The following PTPRQ variants were observed in gnomAD, a reference collection of about 807,000 sequenced individuals.
The protein encoded by PTPRQ is phosphatidylinositol phosphatase PTPRQ.
In PTPRQ, 199 loss-of-function variants were observed where a neutral mutation model predicts 246.0. The ratio of observed to expected loss-of-function variants is 0.81; its 90% CI spans 0.72 to 0.91. The LOEUF (loss-of-function observed/expected upper bound fraction) is 0.91, where lower values mean the gene tolerates loss of function less well. PTPRQ is among the 40% of genes least tolerant of loss of function. PTPRQ has a pLI of 0.00. For missense variants in PTPRQ, 2,624 were observed against 2,528.4 expected (o/e 1.04, Z -0.81); for synonymous variants, 869 against 853.2 (o/e 1.02, Z -0.32).
rs571783974 is a variant in PTPRQ, at chr12:80,609,240, A to G, written c.4732-1199A>G. On this transcript the variant is annotated intron_variant, in intron 27 of 44. Transcript: ENST00000644991. ...ACATCTCTATAAATGAGTTTCCAGG[A>G]CAACATTTACAATATAGTTATACCA... is the stretch of plus-strand genomic sequence containing the variant. Among the ~76,000 whole-genome samples, 5 of 150,570 alleles carry G rather than the reference A, an allele frequency of 3.3e-5. No individual in the cohort carries two copies. The South Asian group carries it at 1.0e-3, about 31-fold the overall frequency.
In PTPRQ at chr12:80,484,602, T is replaced by A; in HGVS notation, c.1356T>A (p.Asn452Lys). 3 of 1,550,000 alleles carry A rather than the reference T, an allele frequency of 1.9e-6. No individual in the cohort carries two copies. The highest frequency in any genetic ancestry group is 2.6e-6 in the Non-Finnish European group (3 of 1,146,548). Residue 452 changes from asparagine to lysine, a missense_variant, in exon 9 of 45, where the codon AAT (asparagine) becomes AAA (lysine). Transcript: ENST00000644991. ...ILENTLLTGN[N>K]EYINDPMAPE... ...AAAATACTTTGCTCACTGGAAATAA[T>A]GAGGTATTGCATTTTTATTTCACTT...
intron 25 of PTPRQ, among the ~76,000 whole-genome samples, chr12:80,559,956 G>T (rs1447451877): frequency 1.3e-5 from 2 of 152,142 alleles, no homozygotes; most frequent in Non-Finnish European, 2.9e-5. Context: ...TTGGGAACAA[G>T]GTGAAAAACA....
intron 33 of PTPRQ, among the ~76,000 whole-genome samples, chr12:80,628,490 A>T (rs1034128317): frequency 6.6e-6 from 1 of 152,188 alleles, no homozygotes; most frequent in Non-Finnish European, 1.5e-5. Context: ...TAAATTATGT[A>T]ACTTAAAATT....
intron 43 of PTPRQ, among the ~76,000 whole-genome samples, chr12:80,677,643 T>C (rs1409545394): frequency 6.6e-6 from 1 of 152,206 alleles, no homozygotes; most frequent in Non-Finnish European, 1.5e-5. Flanking sequence ...TGGAAACATT[T>C]TGTAATCCAC....
Position 80,445,645 on chromosome 12 carries a change from A to G in PTPRQ, c.318A>G (p.Gln106=), listed in dbSNP as rs867256932. Residue 106 remains glutamine (Q), a synonymous_variant, in exon 3 of 45, where the codon CAA becomes CAG. Transcript: ENST00000644991. ...CGTGGATGCAAACAGTATATACACA[A>G]GTCAGATCAAAGCCAGACAGTCTGG... is the stretch of plus-strand genomic sequence containing the variant. The part of the protein sequence containing the change: ...VCPWMQTVYT[Q]VRSKPDSLEV... The G allele has an allele frequency of 1.3e-6, 2 of 1,550,180 alleles. No individual in the cohort carries two copies. Among genetic ancestry groups the G allele is most frequent in the Middle Eastern group, 3.3e-4 (2 of 5,986 alleles).
intron 17 of PTPRQ, chr12:80,512,738 ATAT>A (rs1895159309): frequency 6.6e-6 from 1 of 152,140 alleles, no homozygotes; most frequent in Non-Finnish European, 1.5e-5. Flanking sequence ...TTTTGGGTAA[ATAT>A]TCAATCAATT....
rs1896160259 is a variant in PTPRQ at position 80,541,732 on chromosome 12, A to G, written c.3332A>G (p.Tyr1111Cys). 1 of 1,551,384 alleles carries G rather than the reference A, an allele frequency of 6.4e-7. No homozygotes were observed. Among genetic ancestry groups the G allele is most frequent in the Non-Finnish European group, 8.7e-7 (1 of 1,146,744 alleles). Residue 1111 changes from tyrosine (Y) to cysteine (C), a missense_variant, in exon 21 of 45, where the codon TAT becomes TGT. Transcript: ENST00000644991. ...PPLVTYERSIYFDNLEKYTDY... is the reference protein window; with the variant it reads ...PPLVTYERSICFDNLEKYTDY... ...CTTGTTACATATGAGAGAAGCATATATTTTGATAATCTGGAAAAATACACT... is the reference window on the plus strand; with the variant it reads ...CTTGTTACATATGAGAGAAGCATATGTTTTGATAATCTGGAAAAATACACT...
intron 25 of PTPRQ, chr12:80,584,386 T>C (rs1565801331): frequency 1.3e-5 from 2 of 152,210 alleles, no homozygotes; most frequent in Non-Finnish European, 2.9e-5. Flanking sequence ...AACTGACTTC[T>C]GTACTGTTGC....
At chr12:80,458,275 C>A (rs1893040839) in intron 4 of PTPRQ, among the ~76,000 whole-genome samples, 1 of 152,096 alleles carries the variant, frequency 6.6e-6, no homozygotes, top group Non-Finnish European at 1.5e-5. Flanking sequence ...TATTCTGAAT[C>A]TCACACTCAT....
chr12:80,652,658 T>G, intron 37 of PTPRQ, 86 bp from the exon 38 acceptor site: 1 of 1,337,190 alleles, frequency 7.5e-7, no homozygotes, highest in Non-Finnish European at 9.8e-7. Context: ...AAAAAAAAAG[T>G]TTAGGACAAA....
chr12:80,477,855 C>T (rs1352973531), intron 8 of PTPRQ, among the ~76,000 whole-genome samples: 1 of 152,230 alleles, frequency 6.6e-6, no homozygotes, highest in African/African-American at 2.4e-5. Flanking sequence ...GAGATTATAT[C>T]CCACACCTGG....
At chr12:80,453,258 T>C (rs893782437) in intron 3 of PTPRQ, among the ~76,000 whole-genome samples, 12 of 152,166 alleles carry the variant, frequency 7.9e-5, no homozygotes, top group African/African-American at 2.9e-4. Flanking sequence ...ATTCTAGTTA[T>C]ACATTCGTCT....
chr12:80,514,402 A>ACACACACACTCT lies in PTPRQ; in HGVS notation c.2678+3960_2678+3961insACACACACTCTC, dbSNP rs552667526. Among the ~76,000 whole-genome samples the ACACACACACTCT allele has an allele frequency of 6.5e-3, 732 of 113,008 alleles. 13 individuals carry two copies. The highest frequency in any genetic ancestry group is 0.022 in the African/African-American group (689 of 30,968). 74.1% of individuals were successfully genotyped at this position (113,008 alleles called of 152,430 possible). A position where few individuals can be genotyped will look rare whatever the true frequency, so the allele number is the denominator to read the frequency against. ...CACACACACACACACACACACACAC[A>ACACACACACTCT]CTCTCTCTCTCTCTCTCTGCTTTAA... On this transcript the variant is annotated intron_variant, in intron 17 of 44. Coordinates refer to ENST00000644991, the MANE Select transcript of PTPRQ (RefSeq NM_001145026.2).
intron 38 of PTPRQ, among the ~76,000 whole-genome samples, chr12:80,654,049 T>TTTTC (rs1371123402): frequency 6.8e-6 from 1 of 147,260 alleles, no homozygotes; most frequent in Non-Finnish European, 1.5e-5. Context: ...TCTTTCTTTC[T>TTTTC]TTTCTTTCTT....
chr12:80,465,022 C>A (rs1310152820), intron 6 of PTPRQ, among the ~76,000 whole-genome samples: 12 of 97,592 alleles, frequency 1.2e-4, no homozygotes, highest in African/African-American at 3.7e-4. Context: ...AACTGAAGGA[C>A]ATAGAGACAC....
chr12:80,562,753 A>T (rs1488613931), intron 25 of PTPRQ, among the ~76,000 whole-genome samples: 1 of 152,192 alleles, frequency 6.6e-6, no homozygotes. Context: ...CAAACCATGC[A>T]GAAGGCAGGG....
chr12:80,604,158 C>G (rs1417505097), intron 26 of PTPRQ, among the ~76,000 whole-genome samples: 1 of 151,208 alleles, frequency 6.6e-6, no homozygotes, highest in Non-Finnish European at 1.5e-5. Context: ...TAATGTTTGC[C>G]CATATGTATT....
Position 80,460,886 on chromosome 12 carries a change from C to A in PTPRQ, c.894C>A (p.Val298=). 3 of 400,548 alleles carry A rather than the reference C, an allele frequency of 7.5e-6. No homozygotes were observed. In the South Asian group the frequency reaches 3.8e-4, roughly 51 times the overall value. 24.8% of individuals were successfully genotyped at this position (400,548 alleles called of 1,614,324 possible). ...TEAGYIDSTI[V]RTPESVPEGP... Reference sequence around the variant, plus strand: ...CAGGTTATATTGATAGTACGATTGTCAGAACACCAGAATCAGGTATGGTTC... The same window carrying A: ...CAGGTTATATTGATAGTACGATTGTAAGAACACCAGAATCAGGTATGGTTC... Residue 298 remains valine (V), a synonymous_variant, in exon 6 of 45, where the codon GTC becomes GTA. Transcript: ENST00000644991.
intron 35 of PTPRQ, among the ~76,000 whole-genome samples, chr12:80,637,273 G>T (rs1175792793): frequency 6.6e-6 from 1 of 152,060 alleles, no homozygotes; most frequent in East Asian, 1.9e-4. Context: ...GGCAAGGAAT[G>T]TACAGATTGT....
Sources: allele counts gnomAD v4.1 joint callset (sites outside exome capture counted in the v4.1 genomes callset), GRCh38; gene constraint gnomAD v4.1.1; transcripts MANE v1.5; gene names NCBI Gene and HGNC (gene_info 2026-07-23, HGNC 2026-07-21).